Variants in TENM3 observed in about 807,000 individuals in gnomAD.
TENM3 encodes the protein teneurin-3.
Under a neutral mutation model 255.1 loss-of-function variants are expected in TENM3, and 63 were observed. That is an observed-to-expected ratio of 0.25 (90% CI 0.20 to 0.30). The LOEUF is 0.30. Among genes scored for constraint, TENM3 ranks in the 10% least tolerant of loss-of-function variants. The pLI, the probability that TENM3 is intolerant of heterozygous loss-of-function variation, is 1.00. For missense variants in TENM3, 2,929 were observed against 3,461.1 expected (o/e 0.85, Z 3.86); for synonymous variants, 1,306 against 1,322.3 (o/e 0.99, Z 0.27).
the TENM3 span, among the ~76,000 whole-genome samples, chr4:181,974,546 C>T: frequency 6.6e-6 from 1 of 151,964 alleles, no homozygotes; most frequent in African/African-American, 2.4e-5. Flanking sequence ...CCAGCCTGGG[C>T]AACAGAGCGA....
chr4:182,661,655 A>T (rs578163151), intron 6 of TENM3, among the ~76,000 whole-genome samples: 1 of 152,310 alleles, frequency 6.6e-6, no homozygotes, highest in South Asian at 2.1e-4. Flanking sequence ...GGTTGTTTAT[A>T]AAAAGATATG....
intron 13 of TENM3, among the ~76,000 whole-genome samples, chr4:182,717,502 A>G (rs1375306863): frequency 2.0e-5 from 3 of 152,160 alleles, no homozygotes; most frequent in Non-Finnish European, 4.4e-5. Flanking sequence ...TCCACTCTCT[A>G]TGAAATCAGT....
the TENM3 span, among the ~76,000 whole-genome samples, chr4:181,727,194 A>T: frequency 1.3e-5 from 2 of 151,594 alleles, no homozygotes; most frequent in African/African-American, 4.8e-5. Flanking sequence ...GTGACCTGGG[A>T]TTAAAAGTTC....
At chr4:182,734,878 A>ACATATAATATT (rs1395240200) in intron 16 of TENM3, among the ~76,000 whole-genome samples, 1 of 152,222 alleles carries the variant, frequency 6.6e-6, no homozygotes, top group Non-Finnish European at 1.5e-5. Context: ...CACAGGAAAT[A>ACATATAATATT]CATATAATAT....
In TENM3 at chr4:182,332,038, C is replaced by A. The variant is rs931411673; in HGVS notation, c.232+7786C>A. Among the ~76,000 whole-genome samples, 4 of 152,162 alleles carry A rather than the reference C, an allele frequency of 2.6e-5. No individual in the cohort carries two copies. The South Asian group carries it at 8.3e-4, about 32-fold the overall frequency. On this transcript the variant is annotated intron_variant, in intron 2 of 27. Transcript: ENST00000511685. Reference sequence around the variant, plus strand: ...AAATTTATAACTGTCAGAAATGATACAATTTTTTATATTTCTATAGGATAG... The same window carrying A: ...AAATTTATAACTGTCAGAAATGATAAAATTTTTTATATTTCTATAGGATAG...
the TENM3 span, among the ~76,000 whole-genome samples, chr4:181,726,042 A>G: frequency 6.6e-6 from 1 of 152,152 alleles, no homozygotes; most frequent in Non-Finnish European, 1.5e-5. Context: ...TTAATGATAG[A>G]ATGAGAGAGA....
the TENM3 span, among the ~76,000 whole-genome samples, chr4:181,810,776 T>C: frequency 6.6e-6 from 1 of 152,082 alleles, no homozygotes; most frequent in Non-Finnish European, 1.5e-5. Flanking sequence ...TCAGATTTGC[T>C]TGAGGAAGTC....
At chr4:182,159,661 A>C (rs12332068) in intron 1 of TENM3, among the ~76,000 whole-genome samples, 2 of 151,932 alleles carry the variant, frequency 1.3e-5, no homozygotes, top group South Asian at 2.1e-4. Flanking sequence ...CTGGCTTGCC[A>C]AGTTACCCAT....
chr4:181,834,373 C>T, the TENM3 span, among the ~76,000 whole-genome samples: 3 of 152,190 alleles, frequency 2.0e-5, no homozygotes, highest in Non-Finnish European at 4.4e-5. Flanking sequence ...GCATTGTTTT[C>T]CTGTCCTGTC....
the TENM3 span, among the ~76,000 whole-genome samples, chr4:181,617,963 T>A: frequency 6.6e-6 from 1 of 152,204 alleles, no homozygotes; most frequent in African/African-American, 2.4e-5. Flanking sequence ...AAGGTAATCT[T>A]TATTGAGTGC....
intron 3 of TENM3, among the ~76,000 whole-genome samples, chr4:182,356,104 A>G (rs1227616823): frequency 1.3e-5 from 2 of 151,962 alleles, no homozygotes; most frequent in East Asian, 3.8e-4. Flanking sequence ...TGAAGCACCA[A>G]TAAAAGAAAC....
intron 3 of TENM3, among the ~76,000 whole-genome samples, chr4:182,415,452 G>A (rs557588750): frequency 6.6e-6 from 1 of 152,224 alleles, no homozygotes; most frequent in African/African-American, 2.4e-5. Context: ...CATCTATTAG[G>A]TTGTATACAA....
rs116780462 is a variant in TENM3 at position 182,225,011 on chromosome 4, C to T, written c.-76+80257C>T. On this transcript the variant is annotated intron_variant, in intron 1 of 2. Transcript: ENST00000512480. ...CCTCCCAAAGTGCTGGGACTACAGGCAGGAGCCACCGCTCCCTGGCTCAGT... is the reference window on the plus strand; with the variant it reads ...CCTCCCAAAGTGCTGGGACTACAGGTAGGAGCCACCGCTCCCTGGCTCAGT... 8.4e-3 allele frequency among the ~76,000 whole-genome samples: 1,273 copies of T among 152,240 alleles called. 21 individuals are homozygous for T. Among genetic ancestry groups the T allele is most frequent in the African/African-American group, 0.029 (1,220 of 41,542 alleles).
chr4:181,944,231 TC>T, the TENM3 span, among the ~76,000 whole-genome samples: 2 of 150,770 alleles, frequency 1.3e-5, no homozygotes, highest in African/African-American at 4.9e-5. Flanking sequence ...GGTGGTGCAA[TC>T]CCGTCTGAGT....
the TENM3 span, among the ~76,000 whole-genome samples, chr4:181,668,031 A>T: frequency 6.6e-6 from 1 of 152,194 alleles, no homozygotes; most frequent in African/African-American, 2.4e-5. Flanking sequence ...GCTAGAACAT[A>T]AGCACCATGA....
Position 182,771,003 on chromosome 4 carries a change from TC to T in TENM3, c.4893-2468del, listed in dbSNP as rs1764161844. ...GGATCCCAGCTTAACCCTCTGTCAT[TC>T]TAACTGTACTACCTACAAAGGTTAC... is the stretch of plus-strand genomic sequence containing the variant. On this transcript the variant is annotated intron_variant, in intron 22 of 27. Transcript: ENST00000511685. Among the ~76,000 whole-genome samples, 3 of 152,318 alleles carry T rather than the reference TC, an allele frequency of 2.0e-5. No homozygotes were observed. In the South Asian group the frequency reaches 6.2e-4, roughly 32 times the overall value.
the TENM3 span, among the ~76,000 whole-genome samples, chr4:181,659,909 C>A: frequency 1.3e-5 from 2 of 152,066 alleles, no homozygotes; most frequent in Admixed American, 6.6e-5. Context: ...AAAATTGAGG[C>A]TTTGTAGTAA....
At chr4:182,400,874 A>G (rs1415405414) in intron 3 of TENM3, among the ~76,000 whole-genome samples, 1 of 152,176 alleles carries the variant, frequency 6.6e-6, no homozygotes, top group African/African-American at 2.4e-5. Flanking sequence ...TCTATTTATC[A>G]GGTTAACCGT....
chr4:182,115,470 T>C, the TENM3 span, among the ~76,000 whole-genome samples: 1 of 152,192 alleles, frequency 6.6e-6, no homozygotes, highest in South Asian at 2.1e-4. Flanking sequence ...ACCAGTACAA[T>C]AGTTGAAACA....
Sources: allele counts gnomAD v4.1 joint callset (sites outside exome capture counted in the v4.1 genomes callset), GRCh38; gene constraint gnomAD v4.1.1; transcripts MANE v1.5; gene names NCBI Gene and HGNC (gene_info 2026-07-23, HGNC 2026-07-21).